COLEC12: variants seen among roughly 807,000 people sequenced by gnomAD.
COLEC12 encodes the protein collectin-12.
Under a neutral mutation model 71.1 loss-of-function variants are expected in COLEC12, and 33 were observed. That is an observed-to-expected ratio of 0.46 (90% confidence interval 0.35 to 0.62). COLEC12 has a LOEUF of 0.62. Ranked by LOEUF, COLEC12 falls within the 20% of genes least tolerant of loss-of-function variation. The pLI is 0.00. For missense variants in COLEC12, 765 were observed against 916.1 expected, an observed-to-expected ratio of 0.84 and a Z score of 2.13; for synonymous variants, 350 against 353.0, an observed-to-expected ratio of 0.99 and a Z score of 0.10.
At chr18:420,786 A>C (rs2846654) in intron 2 of COLEC12, among the ~76,000 whole-genome samples, 139,137 of 152,000 alleles carry the variant, frequency 0.92, 64,420 homozygotes, top group East Asian at 1. Context: ...GGGAGAGACT[A>C]CACCTCCCTC....
intron 2 of COLEC12, among the ~76,000 whole-genome samples, chr18:465,873 G>T (rs1917075086): frequency 6.6e-6 from 1 of 152,056 alleles, no homozygotes; most frequent in Non-Finnish European, 1.5e-5. Flanking sequence ...AGGAATTCGA[G>T]ACCAGCCTGG....
chr18:365,957 G>A (rs890709555), intron 2 of COLEC12, among the ~76,000 whole-genome samples: 18 of 152,268 alleles, frequency 1.2e-4, no homozygotes, highest in Non-Finnish European at 8.8e-5. Flanking sequence ...CAGCCAGGCT[G>A]GCTTTAGGGC....
chr18:338,745 C>T (rs906066178), intron 5 of COLEC12, among the ~76,000 whole-genome samples: 12 of 152,176 alleles, frequency 7.9e-5, no homozygotes, highest in African/African-American at 2.7e-4. Context: ...ACGTATGTTC[C>T]GCCACAATGG....
chr18:320,338 A>T (rs1913673096), intron 9 of COLEC12, among the ~76,000 whole-genome samples: 1 of 152,162 alleles, frequency 6.6e-6, no homozygotes, highest in Non-Finnish European at 1.5e-5. Flanking sequence ...ACAAAAGACA[A>T]ATCTGAGTTA....
rs371776449 is a variant in COLEC12 at position 487,192 on chromosome 18, T to C, written c.8-6435A>G. On this transcript the variant is annotated intron_variant, in intron 1 of 9. Coordinates refer to ENST00000400256, the MANE Select transcript of COLEC12 (RefSeq NM_130386.3). ...ATACAGATAAATCTCAAAAACATTATGCTAAGTAAAAGAGGCCAGTCACAA... is the reference window on the plus strand; with the variant it reads ...ATACAGATAAATCTCAAAAACATTACGCTAAGTAAAAGAGGCCAGTCACAA... Among the ~76,000 whole-genome samples the C allele has an allele frequency of 6.6e-5, 10 of 152,332 alleles. No homozygotes were observed. In the South Asian group the frequency reaches 2.1e-3, roughly 32 times the overall value.
At chr18:373,254 C>T (rs151287836) in intron 2 of COLEC12, among the ~76,000 whole-genome samples, 3 of 152,270 alleles carry the variant, frequency 2.0e-5, no homozygotes, top group East Asian at 1.9e-4. Context: ...TATTTGATCA[C>T]GTCTCTGACA....
intron 2 of COLEC12, among the ~76,000 whole-genome samples, chr18:478,427 A>G (rs1406330703): frequency 1.3e-5 from 2 of 152,204 alleles, no homozygotes; most frequent in Non-Finnish European, 2.9e-5. Flanking sequence ...AGCTGGGGCA[A>G]GATAGTAAGA....
intron 2 of COLEC12, among the ~76,000 whole-genome samples, chr18:437,446 T>C (rs997895875): frequency 6.6e-6 from 1 of 152,328 alleles, no homozygotes; most frequent in African/African-American, 2.4e-5. Flanking sequence ...AATGGATTTT[T>C]TTTTTCAAGT....
At chr18:431,989 C>A (rs1916313325) in intron 2 of COLEC12, among the ~76,000 whole-genome samples, 1 of 152,092 alleles carries the variant, frequency 6.6e-6, no homozygotes, top group South Asian at 2.1e-4. Flanking sequence ...TGTCACAAAG[C>A]CCCCCACACT....
At chr18:457,993 G>A (rs1916905801) in intron 2 of COLEC12, among the ~76,000 whole-genome samples, 1 of 152,214 alleles carries the variant, frequency 6.6e-6, no homozygotes, top group Non-Finnish European at 1.5e-5. Flanking sequence ...GCACAAAGAT[G>A]TGGTTCGCCA....
intron 2 of COLEC12, among the ~76,000 whole-genome samples, chr18:387,151 G>A (rs1351747690): frequency 1.3e-5 from 2 of 152,216 alleles, no homozygotes; most frequent in African/African-American, 4.8e-5. Context: ...AGCGTTGTCA[G>A]CACAGCTACC....
chr18:432,464 T>C (rs1376588905), intron 2 of COLEC12, among the ~76,000 whole-genome samples: 1 of 152,192 alleles, frequency 6.6e-6, no homozygotes, highest in Non-Finnish European at 1.5e-5. Flanking sequence ...AATTTCTTTA[T>C]ACAAAAACTA....
chr18:322,688 T>C (rs1913737496), intron 8 of COLEC12, among the ~76,000 whole-genome samples: 1 of 152,144 alleles, frequency 6.6e-6, no homozygotes, highest in Admixed American at 6.5e-5. Flanking sequence ...CTGCCTCATG[T>C]GGAGGGTCTG....
chr18:445,630 A>T (rs1916631215), intron 2 of COLEC12, among the ~76,000 whole-genome samples: 1 of 70,008 alleles, frequency 1.4e-5, no homozygotes, highest in African/African-American at 6.0e-5. Flanking sequence ...AAAACCACTA[A>T]TCCACTTTTT....
At chr18:338,757 C>T (rs1466315050) in intron 5 of COLEC12, among the ~76,000 whole-genome samples, 2 of 152,234 alleles carry the variant, frequency 1.3e-5, no homozygotes, top group Non-Finnish European at 2.9e-5. Context: ...CCACAATGGA[C>T]GTAGCATTAT....
intron 2 of COLEC12, among the ~76,000 whole-genome samples, chr18:465,790 T>C (rs1254152991): frequency 6.6e-6 from 1 of 152,062 alleles, no homozygotes; most frequent in Non-Finnish European, 1.5e-5. Context: ...TAGTTACCTA[T>C]GGCCGGGCAC....
At chr18:428,889 T>A (rs1916247066) in intron 2 of COLEC12, among the ~76,000 whole-genome samples, 1 of 152,218 alleles carries the variant, frequency 6.6e-6, no homozygotes, top group African/African-American at 2.4e-5. Flanking sequence ...TAGCATTTAC[T>A]AAGGAACACA....
chr18:360,900 C>T (rs1914730528), intron 2 of COLEC12, among the ~76,000 whole-genome samples: 2 of 152,076 alleles, frequency 1.3e-5, no homozygotes, highest in Admixed American at 1.3e-4. Context: ...TTATAGCCAC[C>T]TGTATGTCTC....
chr18:451,267 C>T (rs1916755105), intron 2 of COLEC12, among the ~76,000 whole-genome samples: 1 of 152,220 alleles, frequency 6.6e-6, no homozygotes, highest in South Asian at 2.1e-4. Context: ...ACTTCAGATT[C>T]ACATCTTACT....
Sources: allele counts gnomAD v4.1 joint callset (sites outside exome capture counted in the v4.1 genomes callset), GRCh38; gene constraint gnomAD v4.1.1; transcripts MANE v1.5; gene names NCBI Gene and HGNC (gene_info 2026-07-23, HGNC 2026-07-21).